CHODL: variants seen among roughly 807,000 people sequenced by gnomAD.
The protein encoded by CHODL is transmembrane protein MT75.
A neutral mutation model predicts 34.5 loss-of-function variants in CHODL; 29 were observed. The ratio of observed to expected loss-of-function variants is 0.84; its 90% CI spans 0.63 to 1.15. The LOEUF (loss-of-function observed/expected upper bound fraction) is 1.15. Ranked by LOEUF, CHODL falls within the 50% of genes most tolerant of loss-of-function variation. CHODL has a pLI of 0.00. For missense variants in CHODL, 332 were observed against 332.5 expected, an observed-to-expected ratio of 1.00 and a Z score of 0.01; for synonymous variants, 125 against 116.1, an observed-to-expected ratio of 1.08 and a Z score of -0.49.
At position 18,257,011 on chromosome 21, in the gene CHODL, G is replaced by A; in HGVS notation, c.431G>A (p.Cys144Tyr). ...TDEPSCGSEKCVVMYHQPTAN... is the reference protein window; with the variant it reads ...TDEPSCGSEKYVVMYHQPTAN... ...GAACCTTCCTGCGGAAGTGAAAAGT[G>A]TGTTGTGATGTATCACCAACCAACT... The change falls in exon 3 of 6, where the codon TGT becomes TAT. Residue 144 changes from cysteine to tyrosine, a missense_variant. Coordinates refer to ENST00000299295, the MANE Select transcript of CHODL (RefSeq NM_024944.3). 6.2e-7 allele frequency: 1 copy of A among 1,613,934 alleles called. No individual in the cohort carries two copies. Among genetic ancestry groups the A allele is most frequent in the Non-Finnish European group, 8.5e-7 (1 of 1,179,934 alleles).
chr21:18,101,141 T>C (rs1351717826), intron 2 of CHODL, among the ~76,000 whole-genome samples: 1 of 149,404 alleles, frequency 6.7e-6, no homozygotes, highest in East Asian at 1.9e-4. Flanking sequence ...CTCATGATAG[T>C]GAATGGGTCT....
At chr21:18,017,599 T>C (rs2064087626) in intron 1 of CHODL, among the ~76,000 whole-genome samples, 1 of 152,204 alleles carries the variant, frequency 6.6e-6, no homozygotes, top group Non-Finnish European at 1.5e-5. Flanking sequence ...GTCTCATAGA[T>C]TTCAGAGGAC....
intron 2 of CHODL, among the ~76,000 whole-genome samples, chr21:18,063,887 C>T (rs1215353137): frequency 1.3e-5 from 2 of 152,132 alleles, no homozygotes; most frequent in Non-Finnish European, 2.9e-5. Context: ...TCTCACATTT[C>T]TCACTCCTAC....
chr21:17,957,654 G>C (rs990572913), intron 1 of CHODL, among the ~76,000 whole-genome samples: 11 of 151,504 alleles, frequency 7.3e-5, no homozygotes, highest in Non-Finnish European at 1.2e-4. Flanking sequence ...AAGTGCTAAA[G>C]GATCCAAGAT....
intron 2 of CHODL, among the ~76,000 whole-genome samples, chr21:18,045,897 A>C (rs1432605575): frequency 6.6e-6 from 1 of 151,960 alleles, no homozygotes; most frequent in Non-Finnish European, 1.5e-5. Flanking sequence ...AAGCAGAGAG[A>C]AGGCCATCAC....
intron 2 of CHODL, among the ~76,000 whole-genome samples, chr21:18,096,792 A>G (rs970348927): frequency 2.0e-5 from 3 of 152,134 alleles, no homozygotes; most frequent in Non-Finnish European, 4.4e-5. Context: ...CTTTTGAAGC[A>G]TGTGATCTCT....
At chr21:17,946,924 T>G (rs186574872) in intron 1 of CHODL, among the ~76,000 whole-genome samples, 1 of 152,328 alleles carries the variant, frequency 6.6e-6, no homozygotes, top group East Asian at 1.9e-4. Context: ...ATTGGTTTTA[T>G]AGATCCTTTC....
At chr21:17,957,859 GT>G (rs1196155863) in intron 1 of CHODL, among the ~76,000 whole-genome samples, 2 of 151,492 alleles carry the variant, frequency 1.3e-5, no homozygotes, top group Non-Finnish European at 2.9e-5. Flanking sequence ...GGGAGTGTCT[GT>G]TTGACCTTAC....
chr21:18,262,716 A>C (rs532954161), intron 4 of CHODL, 75 bp from the exon 5 acceptor site: 2 of 837,596 alleles, frequency 2.4e-6, no homozygotes, highest in South Asian at 3.1e-5. Context: ...GAATTTTTTG[A>C]AACATTCTTA....
intron 2 of CHODL, among the ~76,000 whole-genome samples, chr21:18,183,633 A>G (rs934798574): frequency 2.6e-5 from 4 of 152,210 alleles, no homozygotes; most frequent in Non-Finnish European, 5.9e-5. Context: ...AGAAGGAAGT[A>G]AGGCTTTTCC....
At chr21:18,193,341 C>G (rs1295725123) in intron 2 of CHODL, among the ~76,000 whole-genome samples, 1 of 152,084 alleles carries the variant, frequency 6.6e-6, no homozygotes, top group Non-Finnish European at 1.5e-5. Flanking sequence ...AAAGGCTGAT[C>G]TAGGCATATC....
chr21:17,969,565 T>C lies in CHODL; in HGVS notation c.-145+52165T>C, dbSNP rs137873752. Among the ~76,000 whole-genome samples, 441 of 152,354 alleles carry C rather than the reference T, an allele frequency of 2.9e-3. 4 individuals are homozygous for C. The highest frequency in any genetic ancestry group is 0.01 in the African/African-American group (433 of 41,594). ...GTTATATTACATTTTGAGAAAGTCATATTTTTCTGTTAGTGACAGTGTATA... is the reference window on the plus strand; with the variant it reads ...GTTATATTACATTTTGAGAAAGTCACATTTTTCTGTTAGTGACAGTGTATA... On this transcript the variant is annotated intron_variant, in intron 1 of 6. Transcript: ENST00000400127.
intron 1 of CHODL, among the ~76,000 whole-genome samples, chr21:17,948,913 A>G (rs1034669727): frequency 6.6e-6 from 1 of 152,190 alleles, no homozygotes; most frequent in Non-Finnish European, 1.5e-5. Flanking sequence ...CTACCAGGCC[A>G]GCATTATTCT....
At chr21:18,229,350 G>A (rs2146752287) in intron 2 of CHODL, among the ~76,000 whole-genome samples, 1 of 152,220 alleles carries the variant, frequency 6.6e-6, no homozygotes, top group East Asian at 1.9e-4. Flanking sequence ...TCACAGGTCT[G>A]TGGGATGGCA....
At chr21:18,242,553 C>T (rs1261888780), upstream of CHODL, among the ~76,000 whole-genome samples, 1 of 150,622 alleles carries the variant, frequency 6.6e-6, no homozygotes, top group Non-Finnish European at 1.5e-5. Flanking sequence ...GATGACCCAT[C>T]CAGATGTTTT....
intron 2 of CHODL, among the ~76,000 whole-genome samples, chr21:18,070,522 G>A (rs768564647): frequency 5.9e-5 from 9 of 152,042 alleles, no homozygotes; most frequent in Non-Finnish European, 1.3e-4. Context: ...TTTCATAATG[G>A]GCATTAAGCC....
chr21:18,221,357 T>A (rs1022798485), intron 2 of CHODL, among the ~76,000 whole-genome samples: 8 of 152,210 alleles, frequency 5.3e-5, no homozygotes, highest in Non-Finnish European at 1.2e-4. Context: ...ATCATGATTT[T>A]GAATTCCTTC....
At position 18,257,010 on chromosome 21, in the gene CHODL, T is replaced by C. The variant is rs780219103; in HGVS notation, c.430T>C (p.Cys144Arg). The change falls in exon 3 of 6, where the codon TGT (cysteine) becomes CGT (arginine). Residue 144 changes from cysteine to arginine, a missense_variant. Coordinates refer to ENST00000299295, the MANE Select transcript of CHODL (RefSeq NM_024944.3). ...TDEPSCGSEK[C>R]VVMYHQPTAN... ...TGAACCTTCCTGCGGAAGTGAAAAG[T>C]GTGTTGTGATGTATCACCAACCAAC... is the stretch of plus-strand genomic sequence containing the variant. 60 of 1,613,814 alleles carry C rather than the reference T, an allele frequency of 3.7e-5. No individual in the cohort carries two copies. Among genetic ancestry groups the C allele is most frequent in the Non-Finnish European group, 4.7e-5 (56 of 1,179,938 alleles).
intron 2 of CHODL, among the ~76,000 whole-genome samples, chr21:18,096,836 T>C (rs1485432898): frequency 2.6e-5 from 4 of 152,124 alleles, no homozygotes; most frequent in Non-Finnish European, 4.4e-5. Flanking sequence ...CTCCCTCCCC[T>C]TCTAAAATCC....
Sources: allele counts gnomAD v4.1 joint callset (sites outside exome capture counted in the v4.1 genomes callset), GRCh38; gene constraint gnomAD v4.1.1; transcripts MANE v1.5; gene names NCBI Gene and HGNC (gene_info 2026-07-23, HGNC 2026-07-21).